The following MAST3 variants were observed in gnomAD, a reference collection of about 807,000 sequenced individuals.
The protein encoded by MAST3 is microtubule-associated serine/threonine-protein kinase 3.
In MAST3, 43 loss-of-function variants were observed where a neutral mutation model predicts 127.0. That is an observed-to-expected ratio of 0.34 (90% CI 0.27 to 0.44). MAST3 has a LOEUF of 0.44. MAST3 is among the 20% of genes least tolerant of loss of function. The pLI, the probability that MAST3 is intolerant of heterozygous loss-of-function variation, is 1.00. For missense variants in MAST3, 1,390 were observed against 1,919.1 expected, an observed-to-expected ratio of 0.72 and a Z score of 5.15; for synonymous variants, 785 against 809.2, an observed-to-expected ratio of 0.97 and a Z score of 0.51.
intron 1 of MAST3, among the ~76,000 whole-genome samples, chr19:18,101,368 T>TCTCCTCCTCCTTCTCCTTCTC (rs2037602333): frequency 7.0e-6 from 1 of 142,358 alleles, no homozygotes; most frequent in Non-Finnish European, 1.5e-5. Flanking sequence ...TCCTTCTCCT[T>TCTCCTCCTCCTTCTCCTTCTC]CTCCTCCTCC....
At chr19:18,140,900 T>A (rs894024798) in intron 20 of MAST3, among the ~76,000 whole-genome samples, 4 of 152,054 alleles carry the variant, frequency 2.6e-5, no homozygotes, top group African/African-American at 9.7e-5. Context: ...TTCAAGCGAT[T>A]CTCCTGCCTC....
chr19:18,134,786 G>A, intron 16 of MAST3, 31 bp from the exon 17 acceptor site: 1 of 1,613,762 alleles, frequency 6.2e-7, no homozygotes, highest in Non-Finnish European at 8.5e-7. Context: ...GCTGGGGGCT[G>A]GCCTCAGTTT....
intron 3 of MAST3, among the ~76,000 whole-genome samples, chr19:18,111,265 A>T (rs1361825336): frequency 6.8e-6 from 1 of 146,736 alleles, no homozygotes; most frequent in East Asian, 1.9e-4. Flanking sequence ...AGGAGATGCC[A>T]GTTTTCCTGA....
intron 17 of MAST3, 116 bp downstream of exon 17, chr19:18,135,098 AGGTGGGGAGGC>A: frequency 7.9e-7 from 1 of 1,264,814 alleles, no homozygotes; most frequent in Non-Finnish European, 1.1e-6. Context: ...GTTGGATGCC[AGGTGGGGAGGC>A]GGTGGGGTGC....
intron 15 of MAST3, among the ~76,000 whole-genome samples, chr19:18,133,854 A>G (rs966865111): frequency 3.3e-5 from 5 of 151,920 alleles, no homozygotes; most frequent in Non-Finnish European, 7.4e-5. Flanking sequence ...GCGCCCGGCA[A>G]ATGAACTCAT....
intron 3 of MAST3, chr19:18,118,014 G>T: frequency 5.8e-6 from 4 of 694,196 alleles, no homozygotes; most frequent in Non-Finnish European, 7.1e-6. Context: ...GTCGCGCTCG[G>T]GGGCGCGCGC....
At chr19:18,128,531 G>A in intron 12 of MAST3, 73 bp downstream of exon 12, 10 of 1,457,446 alleles carry the variant, frequency 6.9e-6, no homozygotes, top group Non-Finnish European at 9.3e-6. Context: ...CGCAGAAAGG[G>A]CTGGGTTTGC....
At chr19:18,141,821 G>T (rs1200865748) in intron 20 of MAST3, 61 bp from the exon 21 acceptor site, 23 of 1,280,860 alleles carry the variant, frequency 1.8e-5, no homozygotes, top group Non-Finnish European at 2.3e-5. Flanking sequence ...CTCTGAAAGT[G>T]CTGGGATTAC....
chr19:18,099,768 G>C (rs2037404860), intron 1 of MAST3, among the ~76,000 whole-genome samples: 1 of 152,232 alleles, frequency 6.6e-6, no homozygotes, highest in Non-Finnish European at 1.5e-5. Flanking sequence ...CCAGAGGCAT[G>C]TAGCCTTTCT....
chr19:18,139,033 GC>G lies in MAST3; in HGVS notation c.2116del (p.His706IlefsTer70). ...CCCACAGCACGTTCGGAACGTTACC[GC>G]CATCTGGGCTCCGAGGACGACGAGA... Reference protein sequence around the residue: ...SYFDTRSERYRHLGSEDDETN... With the variant: ...SYFDTRSERYXHLGSEDDETN... On this transcript the variant is annotated frameshift_variant, in exon 20 of 28. Coordinates refer to ENST00000687212, the MANE Select transcript of MAST3 (RefSeq NM_001393504.1). LOFTEE classifies it high-confidence loss of function. The G allele has an allele frequency of 6.3e-7, 1 of 1,594,924 alleles. No individual in the cohort carries two copies. Among genetic ancestry groups the G allele is most frequent in the South Asian group, 1.1e-5 (1 of 87,748 alleles).
chr19:18,141,635 A>C lies in MAST3; in HGVS notation c.2206-247A>C, dbSNP rs1466664539. 2.0e-5 allele frequency among the ~76,000 whole-genome samples: 3 copies of C among 151,950 alleles called. No individual in the cohort carries two copies. The South Asian group carries it at 6.2e-4, about 32-fold the overall frequency. ...TGATCCGCCCACCTCAGCCTCCCAGAGTGGTGGGATTACAGGCATAAGTCA... is the reference window on the plus strand; with the variant it reads ...TGATCCGCCCACCTCAGCCTCCCAGCGTGGTGGGATTACAGGCATAAGTCA... On this transcript the variant is annotated intron_variant, in intron 20 of 27. Coordinates refer to ENST00000687212, the MANE Select transcript of MAST3 (RefSeq NM_001393504.1).
chr19:18,151,086 G>A lies in MAST3; in HGVS notation c.*1360G>A, dbSNP rs1409611447. The A allele has an allele frequency of 6.6e-6, 1 of 152,214 alleles. No individual in the cohort carries two copies. The highest frequency in any genetic ancestry group is 1.5e-5 in the Non-Finnish European group (1 of 68,038). 9.4% of individuals were successfully genotyped at this position (152,214 alleles called of 1,614,324 possible). A position where few individuals can be genotyped will look rare whatever the true frequency, so the allele number is the denominator to read the frequency against. ...TTAGGGGTTCCCTCCATATGTCAGA[G>A]CCTCTCTGGGATGAAGTTCAAGCCA... On this transcript the variant is annotated 3_prime_UTR_variant, in exon 28 of 28. Transcript: ENST00000687212.
chr19:18,099,506 G>A (rs2037370321), intron 1 of MAST3, among the ~76,000 whole-genome samples: 1 of 152,058 alleles, frequency 6.6e-6, no homozygotes, highest in South Asian at 2.1e-4. Flanking sequence ...TCCATGGTGG[G>A]GGGGTCAAAC....
At chr19:18,141,716 G>A (rs2042511581) in intron 20 of MAST3, among the ~76,000 whole-genome samples, 166 bp from the exon 21 acceptor site, 2 of 151,774 alleles carry the variant, frequency 1.3e-5, no homozygotes, top group African/African-American at 4.8e-5. Context: ...TTTTTTGTTT[G>A]GGTTTCTTTT....
At position 18,121,631 on chromosome 19, in the gene MAST3, G is replaced by A; in HGVS notation, c.162-54G>A. On this transcript the variant is annotated intron_variant, in intron 3 of 27. Coordinates refer to ENST00000687212, the MANE Select transcript of MAST3 (RefSeq NM_001393504.1). ...GAGTGTGATTTAGGCTGGGCAGGTG[G>A]CTTAGCGCGGGGCCCTGGGCAGCCA... The A allele has an allele frequency of 2.0e-6, 3 of 1,483,824 alleles. No individual in the cohort carries two copies. In the Admixed American group the frequency reaches 5.1e-5, roughly 25 times the overall value. 91.9% of individuals were successfully genotyped at this position (1,483,824 alleles called of 1,614,324 possible). A position where few individuals can be genotyped will look rare whatever the true frequency, so the allele number is the denominator to read the frequency against.
At chr19:18,099,228 C>A (rs1334791134) in intron 1 of MAST3, among the ~76,000 whole-genome samples, 8 of 148,090 alleles carry the variant, frequency 5.4e-5, no homozygotes, top group Admixed American at 4.8e-4. Context: ...AGGGAAGGCA[C>A]GGGCTGAGCT....
At chr19:18,147,073 G>GGGACT in intron 26 of MAST3, 29 bp downstream of exon 26, 1 of 1,443,354 alleles carries the variant, frequency 6.9e-7, no homozygotes, top group African/African-American at 1.5e-5. Flanking sequence ...CACGGGGACT[G>GGGACT]GGGTTCTTTT....
At chr19:18,115,803 C>A (rs1177287725) in intron 3 of MAST3, among the ~76,000 whole-genome samples, 1 of 152,248 alleles carries the variant, frequency 6.6e-6, no homozygotes, top group Non-Finnish European at 1.5e-5. Flanking sequence ...TACCCTTTCT[C>A]TGCTCAAGCA....
intron 15 of MAST3, 46 bp downstream of exon 15, chr19:18,132,093 G>C: frequency 6.2e-7 from 1 of 1,607,260 alleles, no homozygotes. Flanking sequence ...GGCGGGGCCA[G>C]AGAGGATCAG....
Sources: gnomAD v4.1 joint callset for allele counts (sites outside exome capture counted in the v4.1 genomes callset) on GRCh38, gnomAD v4.1.1 for gene constraint, MANE v1.5 for transcripts, NCBI Gene and HGNC (gene_info 2026-07-23, HGNC 2026-07-21) for gene names.